The following GTF2I variants were observed in gnomAD, a reference collection of about 807,000 sequenced individuals.
GTF2I encodes the protein general transcription factor II-I.
GTF2I carries 12 observed loss-of-function variants against 67.6 expected under a neutral mutation model. The ratio of observed to expected loss-of-function variants is 0.18; its 90% CI spans 0.11 to 0.29. The LOEUF (loss-of-function observed/expected upper bound fraction) is 0.29. GTF2I is among the 10% of genes least tolerant of loss of function. The pLI, the probability that GTF2I is intolerant of heterozygous loss-of-function variation, is 1.00. For synonymous variants in GTF2I, 149 were observed against 197.0 expected (o/e 0.76, Z 2.04); for missense variants, 271 against 580.1 (o/e 0.47, Z 5.47).
At chr7:74,675,396 C>T (rs587675017) in intron 1 of GTF2I, among the ~76,000 whole-genome samples, 10 of 152,068 alleles carry the variant, frequency 6.6e-5, no homozygotes, top group Admixed American at 2.0e-4. Context: ...GACTTGGTTA[C>T]GATGGGATGT....
At chr7:74,722,922 A>G (rs1035797249) in intron 12 of GTF2I, 3 of 152,206 alleles carry the variant, frequency 2.0e-5, no homozygotes, top group Admixed American at 6.6e-5. Flanking sequence ...TAAGATTTGA[A>G]TAATACGTTT....
At chr7:74,688,640 A>C (rs1173460563) in intron 1 of GTF2I, among the ~76,000 whole-genome samples, 3 of 152,104 alleles carry the variant, frequency 2.0e-5, no homozygotes, top group Non-Finnish European at 4.4e-5. Flanking sequence ...CTGTATTATA[A>C]AGAATCTTAC....
chr7:74,683,637 G>A (rs1787443564), intron 1 of GTF2I, among the ~76,000 whole-genome samples: 1 of 152,198 alleles, frequency 6.6e-6, no homozygotes, highest in African/African-American at 2.4e-5. Context: ...CAGATCACCT[G>A]AGGTCAGGAG....
chr7:74,689,406 G>A, intron 2 of GTF2I, 179 bp downstream of exon 2: 1 of 390,762 alleles, frequency 2.6e-6, no homozygotes, highest in Non-Finnish European at 4.4e-6. Flanking sequence ...CCAGGCTAGA[G>A]TGCAGTGGCG....
intron 10 of GTF2I, 117 bp downstream of exon 10, chr7:74,715,033 GA>G (rs1239674105): frequency 4.6e-5 from 26 of 565,944 alleles, no homozygotes; most frequent in Non-Finnish European, 6.4e-5. Context: ...AATGGAAAAG[GA>G]AAAAAATGTA....
chr7:74,722,972 T>C (rs1554404909), intron 12 of GTF2I, among the ~76,000 whole-genome samples: 1 of 152,184 alleles, frequency 6.6e-6, no homozygotes, highest in East Asian at 1.9e-4. Context: ...TGATGGGCAG[T>C]TGGACTACCT....
chr7:74,660,380 C>A (rs1310301802), intron 1 of GTF2I, among the ~76,000 whole-genome samples: 1 of 151,580 alleles, frequency 6.6e-6, no homozygotes, highest in Non-Finnish European at 1.5e-5. Flanking sequence ...TTAATAGAGA[C>A]GGTGTTTCGC....
chr7:74,732,119 G>A (rs1265860714), intron 14 of GTF2I, among the ~76,000 whole-genome samples: 8 of 144,982 alleles, frequency 5.5e-5, no homozygotes, highest in African/African-American at 2.1e-4. Flanking sequence ...ACATATATAT[G>A]TATATATACA....
intron 1 of GTF2I, chr7:74,684,717 CCTGCAGGGCTCG>C (rs1423380107): frequency 6.6e-6 from 1 of 152,256 alleles, no homozygotes; most frequent in Non-Finnish European, 1.5e-5. Context: ...TGCTTTCCAT[CCTGCAGGGCTCG>C]CTGCCTGCCC....
intron 1 of GTF2I, among the ~76,000 whole-genome samples, chr7:74,668,331 T>TTGTG (rs71094802): frequency 2.0e-5 from 3 of 147,732 alleles, no homozygotes; most frequent in Non-Finnish European, 4.5e-5. Flanking sequence ...GCAAAGCCCA[T>TTGTG]TGTGTGTGTG....
At chr7:74,702,954 C>A (rs1186316109) in intron 6 of GTF2I, among the ~76,000 whole-genome samples, 1 of 152,022 alleles carries the variant, frequency 6.6e-6, no homozygotes, top group Non-Finnish European at 1.5e-5. Flanking sequence ...CCAGGCTGGT[C>A]TGGAACTCCT....
intron 1 of GTF2I, among the ~76,000 whole-genome samples, chr7:74,661,014 T>C (rs1012597042): frequency 1.3e-5 from 2 of 152,200 alleles, no homozygotes; most frequent in Non-Finnish European, 2.9e-5. Context: ...TTTTTCTTAT[T>C]TAATCTTTGT....
At chr7:74,735,954 C>G (rs1482754202) in intron 17 of GTF2I, among the ~76,000 whole-genome samples, 5 of 23,028 alleles carry the variant, frequency 2.2e-4, no homozygotes, top group African/African-American at 6.4e-4. Context: ...TAGGCGTGAG[C>G]CACCGCGCCC....
rs782201066 is a variant in GTF2I at position 74,747,993 on chromosome 7, CATT to C, written c.2069-18_2069-16del. ...ACGTCATTAAATGTGTGTTGATTAT[CATT>C]ATTTTTTCTGTCTTTTAGGCCCTAA... On this transcript the variant is annotated intron_variant, in intron 23 of 34. Coordinates refer to ENST00000573035, the MANE Select transcript of GTF2I (RefSeq NM_032999.4). 12 of 86,748 alleles carry C rather than the reference CATT, an allele frequency of 1.4e-4. No individual in the cohort carries two copies. Among genetic ancestry groups the C allele is most frequent in the Middle Eastern group, 3.3e-3 (1 of 302 alleles). 5.4% of individuals were successfully genotyped at this position (86,748 alleles called of 1,614,324 possible).
intron 11 of GTF2I, among the ~76,000 whole-genome samples, chr7:74,717,653 A>G (rs2131433338): frequency 6.6e-6 from 1 of 152,296 alleles, no homozygotes; most frequent in South Asian, 2.1e-4. Flanking sequence ...TAAATTGGTC[A>G]TGTTATCCCT....
At chr7:74,672,183 A>G (rs930759557) in intron 1 of GTF2I, among the ~76,000 whole-genome samples, 5 of 152,138 alleles carry the variant, frequency 3.3e-5, no homozygotes, top group African/African-American at 7.2e-5. Flanking sequence ...GCTGAAGTGT[A>G]TATGTTAATA....
Position 74,689,146 on chromosome 7 carries a change from G to A in GTF2I, c.18G>A (p.Met6Ile). 6.2e-7 allele frequency: 1 copy of A among 1,611,392 alleles called. No homozygotes were observed. Among genetic ancestry groups the A allele is most frequent in the South Asian group, 1.1e-5 (1 of 91,016 alleles). Residue 6 changes from methionine to isoleucine, a missense_variant, in exon 2 of 35, where the codon ATG becomes ATA. Physicochemically the swap from Met to Ile is conservative, Grantham distance 10 (BLOSUM62 1). Around this residue, in one of 9 missense-constraint regions of GTF2I, gnomAD observed 17 missense variants for 18.2 expected, o/e 0.94. Transcript: ENST00000573035. MAQVA[M>I]STLPVEDEES... ...CAGGGATCATGGCCCAAGTTGCAAT[G>A]TCCACCCTCCCCGTTGAAGATGAGG...
intron 13 of GTF2I, 100 bp from the exon 14 acceptor site, chr7:74,730,129 G>C (rs1474395268): frequency 1.5e-5 from 1 of 65,760 alleles, no homozygotes; most frequent in South Asian, 2.1e-4. Context: ...ATGTAAAAAT[G>C]TAGAAAATAT....
chr7:74,730,740 T>TTTG (rs1794397713), intron 14 of GTF2I, among the ~76,000 whole-genome samples: 3 of 142,288 alleles, frequency 2.1e-5, no homozygotes, highest in Non-Finnish European at 3.0e-5. Context: ...TTTTTTTTTT[T>TTTG]GAGACGGAGT....
Sources: allele counts gnomAD v4.1 joint callset (sites outside exome capture counted in the v4.1 genomes callset), GRCh38; gene constraint gnomAD v4.1.1; regional missense constraint gnomAD v4.1.1; transcripts MANE v1.5; gene names NCBI Gene and HGNC (gene_info 2026-07-23, HGNC 2026-07-21).